The following OTUD7A variants were observed in gnomAD, a reference collection of about 807,000 sequenced individuals.
OTUD7A encodes OTU domain-containing protein 7A.
In OTUD7A, 12 loss-of-function variants were observed where a neutral mutation model predicts 65.7. The observed-to-expected ratio is 0.18, with a 90% CI of 0.12 to 0.30. The LOEUF (loss-of-function observed/expected upper bound fraction) is 0.30, where lower values mean the gene tolerates loss of function less well. OTUD7A is among the 10% of genes least tolerant of loss of function. OTUD7A has a pLI of 1.00. For synonymous variants in OTUD7A, 641 were observed against 586.3 expected (o/e 1.09, Z -1.35); for missense variants, 1,148 against 1,304.8 (o/e 0.88, Z 1.85).
chr15:31,558,271 T>C (rs1187820278), intron 5 of OTUD7A: 1 of 152,312 alleles, frequency 6.6e-6, no homozygotes, highest in Non-Finnish European at 1.5e-5. Flanking sequence ...AAATCTGTTT[T>C]AGACATTTGT....
At chr15:31,831,652 C>T (rs1353953837) in intron 1 of OTUD7A, among the ~76,000 whole-genome samples, 1 of 152,198 alleles carries the variant, frequency 6.6e-6, no homozygotes, top group African/African-American at 2.4e-5. Context: ...CCAAGAGAAA[C>T]TAAAGAATCC....
At chr15:31,587,727 G>C (rs946802943) in intron 3 of OTUD7A, among the ~76,000 whole-genome samples, 9 of 151,784 alleles carry the variant, frequency 5.9e-5, no homozygotes, top group Admixed American at 4.6e-4. Context: ...AAATAACTTC[G>C]GAGTCTTCCC....
rs543803435 is a variant in OTUD7A, at chr15:31,838,431, T to C, written c.-100+32076A>G. Among the ~76,000 whole-genome samples, 18 of 152,180 alleles carry C rather than the reference T, an allele frequency of 1.2e-4. No homozygotes were observed. In the South Asian group the frequency reaches 2.5e-3, roughly 21 times the overall value. Reference sequence around the variant, plus strand: ...TGGCCCTATCCTCCACATCACCCTCTACCTCTCCACATTCAATCCACCCAA... The same window carrying C: ...TGGCCCTATCCTCCACATCACCCTCCACCTCTCCACATTCAATCCACCCAA... On this transcript the variant is annotated intron_variant, in intron 1 of 12. Coordinates refer to ENST00000307050, the MANE Select transcript of OTUD7A (RefSeq NM_001382637.1).
intron 3 of OTUD7A, among the ~76,000 whole-genome samples, chr15:31,571,064 T>A (rs1390145985): frequency 1.3e-5 from 2 of 152,166 alleles, no homozygotes; most frequent in African/African-American, 4.8e-5. Context: ...AAATGATGCA[T>A]GTTTGAGGTG....
intron 1 of OTUD7A, among the ~76,000 whole-genome samples, chr15:31,838,054 A>G (rs1430617955): frequency 6.6e-6 from 1 of 152,234 alleles, no homozygotes; most frequent in African/African-American, 2.4e-5. Flanking sequence ...ACAGTGCTGG[A>G]GCAATTGCAC....
chr15:31,821,098 G>GA (rs1241068094), intron 1 of OTUD7A, among the ~76,000 whole-genome samples: 13 of 150,898 alleles, frequency 8.6e-5, no homozygotes, highest in Admixed American at 5.3e-4. Flanking sequence ...TATTTTCCAG[G>GA]GTCAATCGTT....
Position 31,605,446 on chromosome 15 carries a change from C to T in OTUD7A, c.152-35249G>A, listed in dbSNP as rs565782434. Among the ~76,000 whole-genome samples the T allele has an allele frequency of 4.3e-4, 66 of 152,258 alleles. 1 individual carries two copies. The highest frequency in any genetic ancestry group is 1.6e-3 in the African/African-American group (65 of 41,550). On this transcript the variant is annotated intron_variant, in intron 3 of 12. Coordinates refer to ENST00000307050, the MANE Select transcript of OTUD7A (RefSeq NM_001382637.1). ...GAGTTCTCTCCTCTGAAACATCACC[C>T]TGGGCCCTCTGGGGTGGGTGGACGG...
chr15:31,530,837 A>T (rs1288704860), intron 5 of OTUD7A, 29 bp from the exon 6 acceptor site: 3 of 1,598,238 alleles, frequency 1.9e-6, no homozygotes, highest in Non-Finnish European at 2.6e-6. Flanking sequence ...TTAGAACAGG[A>T]TCCCAGAAAA....
intron 1 of OTUD7A, among the ~76,000 whole-genome samples, chr15:31,663,246 AACACACACACACAC>A (rs531313199): frequency 2.1e-5 from 3 of 140,568 alleles, no homozygotes; most frequent in African/African-American, 5.4e-5. Flanking sequence ...TCTTGGGCTA[AACACACACACACAC>A]ACACACACAC....
At chr15:31,820,632 C>T (rs1184188660) in intron 1 of OTUD7A, among the ~76,000 whole-genome samples, 1 of 152,194 alleles carries the variant, frequency 6.6e-6, no homozygotes. Context: ...CTGGCCCCAC[C>T]ATTTTCTGGT....
chr15:31,685,614 G>A lies in OTUD7A; in HGVS notation c.-99-28537C>T, dbSNP rs190132631. On this transcript the variant is annotated intron_variant, in intron 1 of 12. Coordinates refer to ENST00000307050, the MANE Select transcript of OTUD7A (RefSeq NM_001382637.1). Reference sequence around the variant, plus strand: ...GTGGAGCTTGCAGTGAGCCAAGATCGCACCACTGCACTCCAGCCTGGGCGA... The same window carrying A: ...GTGGAGCTTGCAGTGAGCCAAGATCACACCACTGCACTCCAGCCTGGGCGA... 4.6e-5 allele frequency among the ~76,000 whole-genome samples: 7 copies of A among 152,316 alleles called. No homozygotes were observed. In the South Asian group the frequency reaches 6.2e-4, roughly 14 times the overall value.
chr15:31,549,503 G>A (rs1331044110), intron 5 of OTUD7A, among the ~76,000 whole-genome samples: 2 of 152,186 alleles, frequency 1.3e-5, no homozygotes, highest in South Asian at 2.1e-4. Context: ...GGGGTAAAGT[G>A]AGGGGATTTT....
intron 1 of OTUD7A, among the ~76,000 whole-genome samples, chr15:31,853,850 T>C (rs773272597): frequency 2.6e-5 from 4 of 152,018 alleles, no homozygotes; most frequent in Non-Finnish European, 4.4e-5. Flanking sequence ...CCTGACCCCA[T>C]TCAAAAGTGA....
At chr15:31,844,609 G>T (rs936924798) in intron 1 of OTUD7A, among the ~76,000 whole-genome samples, 1 of 152,224 alleles carries the variant, frequency 6.6e-6, no homozygotes, top group African/African-American at 2.4e-5. Context: ...GAAGATACCT[G>T]CCTGTGTCTC....
At chr15:31,807,998 G>A (rs1046592476) in intron 1 of OTUD7A, among the ~76,000 whole-genome samples, 3 of 151,940 alleles carry the variant, frequency 2.0e-5, no homozygotes, top group South Asian at 2.1e-4. Context: ...TGAAGTTAGC[G>A]ACACTCAGAG....
chr15:31,838,550 C>T (rs1897109053), intron 1 of OTUD7A, among the ~76,000 whole-genome samples: 1 of 152,204 alleles, frequency 6.6e-6, no homozygotes, highest in South Asian at 2.1e-4. Context: ...GCCTGCAGAA[C>T]CACCACTCCC....
At chr15:31,629,168 G>C (rs1373240372) in intron 3 of OTUD7A, among the ~76,000 whole-genome samples, 1 of 152,104 alleles carries the variant, frequency 6.6e-6, no homozygotes, top group African/African-American at 2.4e-5. Context: ...CCTGTCTTAT[G>C]CCAGTTTTCA....
At chr15:31,612,103 T>TTGAGCCC (rs1890443100) in intron 3 of OTUD7A, among the ~76,000 whole-genome samples, 1 of 152,166 alleles carries the variant, frequency 6.6e-6, no homozygotes, top group Admixed American at 6.5e-5. Flanking sequence ...CCAGCATCCT[T>TTGAGCCC]TAAGATTAAA....
chr15:31,678,864 T>G (rs1438592987), intron 1 of OTUD7A, among the ~76,000 whole-genome samples: 2 of 152,164 alleles, frequency 1.3e-5, no homozygotes, highest in African/African-American at 2.4e-5. Flanking sequence ...GAGCCACTAT[T>G]CTCCAGATCC....
Sources: allele counts gnomAD v4.1 joint callset (sites outside exome capture counted in the v4.1 genomes callset), GRCh38; gene constraint gnomAD v4.1.1; transcripts MANE v1.5; gene names NCBI Gene and HGNC (gene_info 2026-07-23, HGNC 2026-07-21).